Variants in ERBB4 observed in about 807,000 individuals in gnomAD.
ERBB4 encodes the protein erb-b2 receptor tyrosine kinase 4.
Under a neutral mutation model 158.0 loss-of-function variants are expected in ERBB4, and 42 were observed. That is an observed-to-expected ratio of 0.27 (90% CI 0.21 to 0.34). The LOEUF is 0.34. Ranked by LOEUF, ERBB4 falls within the 10% of genes least tolerant of loss-of-function variation. The probability of loss-of-function intolerance (pLI) is 1.00; values close to 1 mark genes in which losing one functional copy is unlikely to be tolerated. For missense variants in ERBB4, 1,333 were observed against 1,624.1 expected (o/e 0.82, Z 3.08); for synonymous variants, 583 against 558.7 (o/e 1.04, Z -0.61).
intron 1 of ERBB4, among the ~76,000 whole-genome samples, chr2:212,397,457 G>A (rs763243691): frequency 8.3e-5 from 12 of 143,750 alleles, no homozygotes; most frequent in East Asian, 2.3e-4. Flanking sequence ...GGGTGACAGA[G>A]CAAGCCCCTG....
At chr2:212,219,692 C>T (rs1446573837) in intron 1 of ERBB4, among the ~76,000 whole-genome samples, 1 of 151,298 alleles carries the variant, frequency 6.6e-6, no homozygotes, top group Admixed American at 6.6e-5. Context: ...ATCACACACA[C>T]ACCCCATATC....
chr2:212,109,575 A>G (rs2079340467), intron 2 of ERBB4, among the ~76,000 whole-genome samples: 1 of 152,150 alleles, frequency 6.6e-6, no homozygotes, highest in Non-Finnish European at 1.5e-5. Context: ...CTATCCTTAC[A>G]TGCAAGGTCT....
At chr2:211,802,618 AAT>A (rs528610528) in intron 3 of ERBB4, among the ~76,000 whole-genome samples, 186 of 152,342 alleles carry the variant, frequency 1.2e-3, no homozygotes, top group Non-Finnish European at 2.1e-3. Flanking sequence ...TTGAAATAAA[AAT>A]ATGTTTAAAA....
intron 3 of ERBB4, among the ~76,000 whole-genome samples, chr2:211,874,186 AT>A (rs933161260): frequency 1.1e-4 from 16 of 151,888 alleles, no homozygotes; most frequent in East Asian, 1.9e-4. Flanking sequence ...TGCTGCTCTC[AT>A]TTTTTTTCTC....
At chr2:212,289,292 T>C (rs17346678) in intron 1 of ERBB4, among the ~76,000 whole-genome samples, 3,657 of 152,302 alleles carry the variant, frequency 0.024, 61 homozygotes, top group Non-Finnish European at 0.037. Flanking sequence ...ACTGGTATTC[T>C]TTTTAAGCAG....
intron 2 of ERBB4, among the ~76,000 whole-genome samples, chr2:212,026,902 TTAAAA>T (rs1427185244): frequency 6.6e-6 from 1 of 151,924 alleles, no homozygotes; most frequent in African/African-American, 2.4e-5. Context: ...GATTCATTCA[TTAAAA>T]TAAGTAGACA....
chr2:212,535,971 A>G (rs1277614020), intron 1 of ERBB4, among the ~76,000 whole-genome samples: 2 of 152,212 alleles, frequency 1.3e-5, no homozygotes, highest in Non-Finnish European at 2.9e-5. Context: ...CTGAACTCCA[A>G]GCGTGTCTAA....
rs2070763702 is a variant in ERBB4, at chr2:211,645,788, CATT to C, written c.1946+11963_1946+11965del. ...TATAATTCAAATGTTTTTAAACTCA[CATT>C]GTAACTTCTGTAATATTTAATGTGT... On this transcript the variant is annotated intron_variant, in intron 16 of 27. Transcript: ENST00000342788. Among the ~76,000 whole-genome samples, 8 of 151,696 alleles carry C rather than the reference CATT, an allele frequency of 5.3e-5. No homozygotes were observed. In the South Asian group the frequency reaches 1.7e-3, roughly 31 times the overall value.
At chr2:211,393,981 A>C (rs1278224610) in intron 25 of ERBB4, among the ~76,000 whole-genome samples, 1 of 152,052 alleles carries the variant, frequency 6.6e-6, no homozygotes, top group East Asian at 1.9e-4. Context: ...TTAGTCAATA[A>C]ATTCTTCTTC....
intron 1 of ERBB4, among the ~76,000 whole-genome samples, chr2:212,517,118 T>A (rs1691893563): frequency 6.6e-6 from 1 of 152,168 alleles, no homozygotes; most frequent in Non-Finnish European, 1.5e-5. Context: ...AACAAACATT[T>A]TGAAATTTTC....
intron 15 of ERBB4, among the ~76,000 whole-genome samples, chr2:211,658,160 G>A (rs1336376165): frequency 6.6e-6 from 1 of 152,094 alleles, no homozygotes. Flanking sequence ...ACACAGAAAT[G>A]AATTGCCATT....
At chr2:211,828,316 G>A (rs1158411632) in intron 3 of ERBB4, among the ~76,000 whole-genome samples, 1 of 152,052 alleles carries the variant, frequency 6.6e-6, no homozygotes, top group African/African-American at 2.4e-5. Flanking sequence ...ATGGTTGTAT[G>A]GTTATCATTT....
chr2:212,347,249 C>T (rs2089047925), intron 1 of ERBB4, among the ~76,000 whole-genome samples: 1 of 152,112 alleles, frequency 6.6e-6, no homozygotes, highest in South Asian at 2.1e-4. Context: ...ACCAAATCTT[C>T]AACGTATAAA....
intron 1 of ERBB4, among the ~76,000 whole-genome samples, chr2:212,420,966 T>C (rs1413420104): frequency 6.6e-6 from 1 of 152,150 alleles, no homozygotes; most frequent in Non-Finnish European, 1.5e-5. Flanking sequence ...TTCTGCAAAC[T>C]TGGAGATTTT....
At chr2:211,434,361 A>G (rs965837493) in intron 20 of ERBB4, among the ~76,000 whole-genome samples, 2 of 152,174 alleles carry the variant, frequency 1.3e-5, no homozygotes, top group African/African-American at 4.8e-5. Flanking sequence ...TCATGAGAAT[A>G]CAACGTCATG....
At chr2:212,199,736 AATTT>A (rs1427104192) in intron 1 of ERBB4, among the ~76,000 whole-genome samples, 3 of 152,206 alleles carry the variant, frequency 2.0e-5, no homozygotes, top group South Asian at 4.2e-4. Context: ...TTAAATTTTT[AATTT>A]ATTAGAGATG....
chr2:212,186,802 G>A (rs945779662), intron 1 of ERBB4, among the ~76,000 whole-genome samples: 5 of 152,068 alleles, frequency 3.3e-5, no homozygotes, highest in African/African-American at 1.2e-4. Flanking sequence ...CTGAAAGATA[G>A]AAGTATGCAG....
chr2:211,847,827 T>C (rs1449192650), intron 3 of ERBB4, among the ~76,000 whole-genome samples: 3 of 152,166 alleles, frequency 2.0e-5, no homozygotes, highest in Non-Finnish European at 4.4e-5. Context: ...CACTAACTGA[T>C]TAAATTTTCA....
Position 212,145,171 on chromosome 2 carries a change from C to CA in ERBB4, c.83-20269dup, listed in dbSNP as rs565062755. On this transcript the variant is annotated intron_variant, in intron 1 of 27. Transcript: ENST00000342788. ...TTAAGTTTAAAAATTGTAGTTAAAACAAAAAAAATCCATTTGAAAATCAAA... is the reference window on the plus strand; with the variant it reads ...TTAAGTTTAAAAATTGTAGTTAAAACAAAAAAAAATCCATTTGAAAATCAAA... 4.4e-3 allele frequency among the ~76,000 whole-genome samples: 666 copies of CA among 151,708 alleles called. 2 individuals carry two copies. Among genetic ancestry groups the CA allele is most frequent in the African/African-American group, 0.015 (622 of 41,394 alleles).
Sources: gnomAD v4.1 joint callset for allele counts (sites outside exome capture counted in the v4.1 genomes callset) on GRCh38, gnomAD v4.1.1 for gene constraint, MANE v1.5 for transcripts, NCBI Gene and HGNC (gene_info 2026-07-23, HGNC 2026-07-21) for gene names.